CC2D2B: variants seen among roughly 807,000 people sequenced by gnomAD.
CC2D2B encodes coiled-coil and C2 domain containing 2B.
Under a neutral mutation model 161.2 loss-of-function variants are expected in CC2D2B, and 128 were observed. The ratio of observed to expected loss-of-function variants is 0.79; its 90% CI spans 0.69 to 0.92. The LOEUF is 0.92. CC2D2B is among the 40% of genes least tolerant of loss of function. CC2D2B has a pLI of 0.00. For missense variants in CC2D2B, 1,173 were observed against 1,375.1 expected (o/e 0.85, Z 2.32); for synonymous variants, 391 against 449.8 (o/e 0.87, Z 1.65).
chr10:95,982,585 G>A (rs900697923), intron 18 of CC2D2B, among the ~76,000 whole-genome samples: 5 of 152,050 alleles, frequency 3.3e-5, no homozygotes, highest in Middle Eastern at 3.2e-3. Context: ...TGCCTAGAAG[G>A]GTGTCCATAG....
At chr10:95,930,308 G>A (rs762467725) in intron 6 of CC2D2B, among the ~76,000 whole-genome samples, 1 of 152,022 alleles carries the variant, frequency 6.6e-6, no homozygotes, top group Non-Finnish European at 1.5e-5. Context: ...GAGACGATGG[G>A]GTTTTCTAAA....
chr10:96,022,041 G>T (rs2079485099), intron 32 of CC2D2B, among the ~76,000 whole-genome samples: 1 of 152,192 alleles, frequency 6.6e-6, no homozygotes, highest in South Asian at 2.1e-4. Flanking sequence ...TTTCTGGCTG[G>T]GTGCGGTGGC....
At chr10:95,969,845 C>A (rs1337689169) in intron 15 of CC2D2B, among the ~76,000 whole-genome samples, 1 of 151,976 alleles carries the variant, frequency 6.6e-6, no homozygotes, top group Non-Finnish European at 1.5e-5. Context: ...TTAAAATCTG[C>A]CTCCCCAAAT....
intron 26 of CC2D2B, among the ~76,000 whole-genome samples, chr10:96,010,336 G>C (rs1004805310): frequency 6.6e-6 from 1 of 152,034 alleles, no homozygotes; most frequent in African/African-American, 2.4e-5. Flanking sequence ...CTCTGCTGTT[G>C]GTTTATTATG....
At chr10:95,944,849 TA>T (rs2141304973) in intron 9 of CC2D2B, among the ~76,000 whole-genome samples, 1 of 152,334 alleles carries the variant, frequency 6.6e-6, no homozygotes, top group East Asian at 1.9e-4. Context: ...ACCAACTGTC[TA>T]AATTGAGTTT....
intron 10 of CC2D2B, among the ~76,000 whole-genome samples, chr10:95,954,522 G>A (rs765017251): frequency 6.6e-6 from 1 of 152,052 alleles, no homozygotes; most frequent in African/African-American, 2.4e-5. Flanking sequence ...TAAATTATAT[G>A]TCATAGCACA....
chr10:96,010,031 G>A lies in CC2D2B; in HGVS notation c.3045+108G>A, dbSNP rs1259312540. On this transcript the variant is annotated intron_variant, in intron 26 of 34. Transcript: ENST00000646931. The stretch of plus-strand genomic sequence containing the variant: ...CTGTGATTGGCAGGCTGGTAGGTCA[G>A]TTAAGATGATCCTGTATTAGAATGT... 7 of 669,428 alleles carry A rather than the reference G, an allele frequency of 1.0e-5. No homozygotes were observed. The East Asian group carries it at 1.8e-4, about 18-fold the overall frequency. The allele number at this position is 669,428 out of a possible 1,614,324, so 41.5% of individuals were successfully genotyped here.
intron 9 of CC2D2B, among the ~76,000 whole-genome samples, chr10:95,945,356 C>G (rs910462791): frequency 6.6e-6 from 1 of 152,110 alleles, no homozygotes; most frequent in Non-Finnish European, 1.5e-5. Flanking sequence ...CGGTCTCTCA[C>G]CAGAATAAAT....
At chr10:95,947,709 A>T (rs1381566518) in intron 9 of CC2D2B, among the ~76,000 whole-genome samples, 1 of 152,040 alleles carries the variant, frequency 6.6e-6, no homozygotes, top group African/African-American at 2.4e-5. Flanking sequence ...GCTACTGCAC[A>T]CTGCATTCCA....
At chr10:95,937,406 A>G (rs2075862790) in intron 6 of CC2D2B, among the ~76,000 whole-genome samples, 1 of 152,180 alleles carries the variant, frequency 6.6e-6, no homozygotes, top group Non-Finnish European at 1.5e-5. Flanking sequence ...TTTAATATTT[A>G]GTAATGTATC....
intron 34 of CC2D2B, among the ~76,000 whole-genome samples, chr10:96,027,925 G>GA (rs2079853719): frequency 1.3e-5 from 2 of 152,182 alleles, no homozygotes; most frequent in Non-Finnish European, 2.9e-5. Context: ...GGGAAAACTG[G>GA]ATATTCATAT....
chr10:95,937,156 C>T (rs1043529027), intron 6 of CC2D2B, among the ~76,000 whole-genome samples: 1 of 152,030 alleles, frequency 6.6e-6, no homozygotes, highest in Non-Finnish European at 1.5e-5. Context: ...TTAACTTTGT[C>T]AGTATTGATC....
At chr10:95,974,440 T>C (rs542916688) in intron 17 of CC2D2B, among the ~76,000 whole-genome samples, 37 of 152,314 alleles carry the variant, frequency 2.4e-4, no homozygotes, top group African/African-American at 8.7e-4. Context: ...AGGGACTTTA[T>C]TTCTGGGGCC....
At chr10:95,927,648 A>G (rs1009206612) in intron 6 of CC2D2B, among the ~76,000 whole-genome samples, 2 of 152,052 alleles carry the variant, frequency 1.3e-5, no homozygotes, top group Non-Finnish European at 1.5e-5. Flanking sequence ...ATACAGCTGG[A>G]AAGTCTAGGC....
chr10:95,924,698 G>C, intron 4 of CC2D2B, 81 bp from the exon 5 acceptor site: 1 of 882,812 alleles, frequency 1.1e-6, no homozygotes, highest in Admixed American at 2.3e-5. Context: ...GCAAAGTATT[G>C]ATATTTATAA....
chr10:95,944,246 A>G (rs2076120236), intron 9 of CC2D2B, among the ~76,000 whole-genome samples: 1 of 152,184 alleles, frequency 6.6e-6, no homozygotes, highest in Admixed American at 6.5e-5. Flanking sequence ...TGCTTATCAT[A>G]CCATGAGAGA....
chr10:95,938,296 G>T, intron 7 of CC2D2B, 107 bp downstream of exon 7: 2 of 750,322 alleles, frequency 2.7e-6, no homozygotes, highest in South Asian at 1.9e-5. Flanking sequence ...TAAAATTATA[G>T]TAACTTTTCT....
At chr10:96,025,842 G>C (rs985284281) in intron 33 of CC2D2B, among the ~76,000 whole-genome samples, 3 of 152,176 alleles carry the variant, frequency 2.0e-5, no homozygotes, top group Admixed American at 6.5e-5. Flanking sequence ...CCACTACAAA[G>C]CAAGCAACAC....
intron 1 of CC2D2B, among the ~76,000 whole-genome samples, chr10:95,910,665 G>A (rs901578157): frequency 6.6e-6 from 1 of 152,202 alleles, no homozygotes; most frequent in Non-Finnish European, 1.5e-5. Flanking sequence ...CATCCAAATA[G>A]ATCTCTAGTA....
Sources: gnomAD v4.1 joint callset for allele counts (sites outside exome capture counted in the v4.1 genomes callset) on GRCh38, gnomAD v4.1.1 for gene constraint, MANE v1.5 for transcripts, NCBI Gene and HGNC (gene_info 2026-07-23, HGNC 2026-07-21) for gene names.